HSD17B2: variants seen among roughly 807,000 people sequenced by gnomAD.
HSD17B2 encodes 17-beta-hydroxysteroid dehydrogenase type 2.
Under a neutral mutation model 26.9 loss-of-function variants are expected in HSD17B2, and 32 were observed. The observed-to-expected ratio is 1.19, with a 90% CI of 0.90 to 1.60. The LOEUF (loss-of-function observed/expected upper bound fraction) is 1.60. Among genes scored for constraint, HSD17B2 ranks in the 40% most tolerant of loss-of-function variants. HSD17B2 has a pLI of 0.00. For missense variants in HSD17B2, 613 were observed against 468.6 expected (o/e 1.31, Z -2.85); for synonymous variants, 246 against 186.7 (o/e 1.32, Z -2.59).
At chr16:82,068,755 C>CCTT (rs1914631747) in intron 2 of HSD17B2, among the ~76,000 whole-genome samples, 1 of 152,058 alleles carries the variant, frequency 6.6e-6, no homozygotes, top group Non-Finnish European at 1.5e-5. Flanking sequence ...TACCCATTAC[C>CCTT]CTTCCTCTTC....
intron 1 of HSD17B2, among the ~76,000 whole-genome samples, chr16:82,042,802 G>T (rs1374562605): frequency 6.6e-6 from 1 of 152,004 alleles, no homozygotes; most frequent in Non-Finnish European, 1.5e-5. Context: ...TGTATTTTTA[G>T]TAGAGATGGG....
chr16:82,090,360 A>C, intron 3 of HSD17B2: 1 of 175,850 alleles, frequency 5.7e-6, no homozygotes, highest in Non-Finnish European at 8.6e-6. Context: ...ACTCTTTCGA[A>C]AGGCTGGAGT....
In HSD17B2 at chr16:82,090,302, G is replaced by GTTTTTTTTTTTTTT. The variant is rs35272646; in HGVS notation, c.665-579_665-566dup. 3.7e-4 allele frequency: 15 copies of GTTTTTTTTTTTTTT among 40,086 alleles called. 3 individuals carry two copies. The highest frequency in any genetic ancestry group is 1.4e-3 in the African/African-American group (12 of 8,592). The allele number at this position is 40,086 out of a possible 1,614,324, so 2.5% of individuals were successfully genotyped here. On this transcript the variant is annotated intron_variant, in intron 3 of 4. Coordinates refer to ENST00000199936, the MANE Select transcript of HSD17B2 (RefSeq NM_002153.3). ...CTCTTCATCTTACCTAAACTACATTGTTTTTTTTTTTTTTTTTTTTTTTTT... is the reference window on the plus strand; with the variant it reads ...CTCTTCATCTTACCTAAACTACATTGTTTTTTTTTTTTTTTTTTTTTTTTTTTTTTTTTTTTTTT...
intron 2 of HSD17B2, among the ~76,000 whole-genome samples, chr16:82,070,165 A>G (rs1320659631): frequency 6.6e-6 from 1 of 152,082 alleles, no homozygotes; most frequent in Non-Finnish European, 1.5e-5. Context: ...CATTCTGCAA[A>G]TCGGTTTGCT....
At chr16:82,072,927 T>C (rs8191181) in intron 3 of HSD17B2, among the ~76,000 whole-genome samples, 2 of 152,092 alleles carry the variant, frequency 1.3e-5, no homozygotes, top group East Asian at 3.9e-4. Flanking sequence ...AAACCAGGCA[T>C]TGTGGCATGT....
chr16:82,090,212 T>G (rs1423547800), intron 3 of HSD17B2: 2 of 981,674 alleles, frequency 2.0e-6, no homozygotes, highest in African/African-American at 1.8e-5. Context: ...CAAAAAGATA[T>G]GTTTACCAGG....
At chr16:82,044,696 C>G (rs1313824911) in intron 1 of HSD17B2, 1 of 152,346 alleles carries the variant, frequency 6.6e-6, no homozygotes, top group Non-Finnish European at 1.5e-5. Flanking sequence ...TTTGCTCCAC[C>G]TCCCTGGGGG....
At chr16:82,056,861 C>T (rs562146040) in intron 1 of HSD17B2, among the ~76,000 whole-genome samples, 3 of 152,214 alleles carry the variant, frequency 2.0e-5, no homozygotes, top group African/African-American at 4.8e-5. Context: ...TCAAATGGCA[C>T]CTCTGCTTTT....
At chr16:82,093,766 G>C (rs554877147) in intron 4 of HSD17B2, 1 of 152,332 alleles carries the variant, frequency 6.6e-6, no homozygotes, top group South Asian at 2.1e-4. Flanking sequence ...TACTTCTTAG[G>C]CAGAGCAGCA....
intron 3 of HSD17B2, among the ~76,000 whole-genome samples, chr16:82,076,808 G>A (rs2143994577): frequency 1.3e-5 from 2 of 152,278 alleles, no homozygotes; most frequent in Middle Eastern, 6.8e-3. Flanking sequence ...TCGATCTCTT[G>A]ACTTTGTGAT....
intron 3 of HSD17B2, among the ~76,000 whole-genome samples, chr16:82,076,443 G>C (rs561185460): frequency 5.9e-5 from 9 of 152,262 alleles, no homozygotes; most frequent in Admixed American, 5.9e-4. Context: ...GGAAGAAGTT[G>C]AATTATCCTT....
intron 1 of HSD17B2, among the ~76,000 whole-genome samples, chr16:82,038,188 C>G (rs1265184028): frequency 6.6e-6 from 1 of 151,988 alleles, no homozygotes; most frequent in Non-Finnish European, 1.5e-5. Flanking sequence ...TTTCATTTTG[C>G]TAAGATGTTC....
At chr16:82,094,419 C>G (rs1230574476) in intron 4 of HSD17B2, 4 of 152,232 alleles carry the variant, frequency 2.6e-5, no homozygotes, top group African/African-American at 2.4e-5. Flanking sequence ...TGACATTATT[C>G]TCCAGGTGAT....
At chr16:82,040,089 T>G (rs1175128181) in intron 1 of HSD17B2, among the ~76,000 whole-genome samples, 1 of 152,260 alleles carries the variant, frequency 6.6e-6, no homozygotes, top group Non-Finnish European at 1.5e-5. Context: ...TTAGATAATT[T>G]TTAATTGAAA....
intron 3 of HSD17B2, among the ~76,000 whole-genome samples, chr16:82,074,145 C>T (rs572865889): frequency 6.6e-6 from 1 of 152,288 alleles, no homozygotes; most frequent in South Asian, 2.1e-4. Flanking sequence ...AACTGGCTAG[C>T]CATAGGCAGA....
chr16:82,079,388 C>T (rs182079027), intron 3 of HSD17B2, among the ~76,000 whole-genome samples: 11 of 152,304 alleles, frequency 7.2e-5, no homozygotes, highest in South Asian at 4.1e-4. Flanking sequence ...CAGATGACTA[C>T]CTTTTTGCTG....
intron 1 of HSD17B2, among the ~76,000 whole-genome samples, chr16:82,048,383 A>C (rs1914001995): frequency 6.6e-6 from 1 of 152,158 alleles, no homozygotes; most frequent in African/African-American, 2.4e-5. Context: ...TACCGATTAG[A>C]GAGAATTCTT....
intron 3 of HSD17B2, among the ~76,000 whole-genome samples, chr16:82,084,520 C>T (rs1904467788): frequency 6.6e-6 from 1 of 152,090 alleles, no homozygotes; most frequent in Admixed American, 6.6e-5. Context: ...AGAGTAATCA[C>T]AGTTGCCTGC....
At chr16:82,089,839 T>A (rs1400496029) in intron 3 of HSD17B2, among the ~76,000 whole-genome samples, 1 of 152,136 alleles carries the variant, frequency 6.6e-6, no homozygotes, top group Non-Finnish European at 1.5e-5. Context: ...TTAGGGCCCA[T>A]CCTAATCCAG....
Sources: allele counts gnomAD v4.1 joint callset (sites outside exome capture counted in the v4.1 genomes callset), GRCh38; gene constraint gnomAD v4.1.1; transcripts MANE v1.5; gene names NCBI Gene and HGNC (gene_info 2026-07-23, HGNC 2026-07-21).